The following TWSG1 variants were observed in gnomAD, a reference collection of about 807,000 sequenced individuals.
TWSG1 encodes twisted gastrulation BMP signaling modulator 1, also known as twisted gastrulation protein homolog 1.
In TWSG1, 15 loss-of-function variants were observed where a neutral mutation model predicts 23.0. The ratio of observed to expected loss-of-function variants is 0.65; its 90% CI spans 0.44 to 1.00. TWSG1 has a LOEUF of 1.00. TWSG1 is among the 50% of genes least tolerant of loss of function. The probability of loss-of-function intolerance (pLI) is 0.00; values close to 1 mark genes in which losing one functional copy is unlikely to be tolerated. For missense variants in TWSG1, 242 were observed against 278.7 expected (o/e 0.87, Z 0.94); for synonymous variants, 86 against 92.8 (o/e 0.93, Z 0.42).
intron 3 of TWSG1, among the ~76,000 whole-genome samples, chr18:9,385,904 C>T (rs1038900672): frequency 1.3e-5 from 2 of 152,118 alleles, no homozygotes; most frequent in African/African-American, 4.8e-5. Flanking sequence ...CATGGTGGCT[C>T]ACACCTGTAA....
At chr18:9,366,973 A>G (rs1156641565) in intron 3 of TWSG1, among the ~76,000 whole-genome samples, 1 of 152,028 alleles carries the variant, frequency 6.6e-6, no homozygotes, top group Non-Finnish European at 1.5e-5. Context: ...TTTTCTTGAG[A>G]TAGGGTCTCT....
chr18:9,343,280 C>CA (rs1157178277), intron 2 of TWSG1, among the ~76,000 whole-genome samples: 1 of 124,490 alleles, frequency 8.0e-6, no homozygotes, highest in East Asian at 2.3e-4. Context: ...AACATACATA[C>CA]ATATATAATA....
intron 3 of TWSG1, among the ~76,000 whole-genome samples, chr18:9,364,517 G>C (rs1024963646): frequency 6.6e-6 from 1 of 152,208 alleles, no homozygotes; most frequent in Non-Finnish European, 1.5e-5. Context: ...AAACAGCCAG[G>C]TGTGGTGGCT....
intron 4 of TWSG1, chr18:9,396,990 GGAGGTT>G: frequency 3.7e-5 from 6 of 162,846 alleles, no homozygotes; most frequent in South Asian, 2.0e-4. Flanking sequence ...CCTGAGAGTC[GGAGGTT>G]GCTGTGAACC....
chr18:9,342,711 T>A (rs1282002391), intron 2 of TWSG1, among the ~76,000 whole-genome samples: 1 of 152,224 alleles, frequency 6.6e-6, no homozygotes, highest in Non-Finnish European at 1.5e-5. Context: ...TTATGGTGAC[T>A]TTCCATCATT....
rs991852560 is a variant in TWSG1, at chr18:9,353,110, G to A, written c.124-6862G>A. ...CAGTAACATGCTGTACAGGTTTGTA[G>A]CCTAGGAACAATAGGCCATACCATA... On this transcript the variant is annotated intron_variant, in intron 2 of 4. Transcript: ENST00000262120. 1.6e-4 allele frequency among the ~76,000 whole-genome samples: 25 copies of A among 152,296 alleles called. 1 individual carries two copies. The highest frequency in any genetic ancestry group is 3.4e-3 in the Middle Eastern group (1 of 294).
At chr18:9,367,236 A>G (rs2040584028) in intron 3 of TWSG1, among the ~76,000 whole-genome samples, 1 of 152,106 alleles carries the variant, frequency 6.6e-6, no homozygotes, top group Non-Finnish European at 1.5e-5. Context: ...CCAGCCAGCA[A>G]TTTTCAAGAA....
chr18:9,382,349 C>T (rs2040660923), intron 3 of TWSG1, among the ~76,000 whole-genome samples: 1 of 151,980 alleles, frequency 6.6e-6, no homozygotes, highest in South Asian at 2.1e-4. Context: ...ATGGTGAAAC[C>T]CTGTCTCTAT....
intron 2 of TWSG1, among the ~76,000 whole-genome samples, chr18:9,343,213 TATATATA>T (rs1568030708): frequency 0.017 from 30 of 1,802 alleles, no homozygotes; most frequent in African/African-American, 0.023. Flanking sequence ...TTTTTTGTTA[TATATATA>T]TATATATATA....
intron 3 of TWSG1, among the ~76,000 whole-genome samples, chr18:9,379,820 G>A (rs1212726398): frequency 5.3e-5 from 8 of 152,092 alleles, no homozygotes; most frequent in South Asian, 4.1e-4. Flanking sequence ...TTAGAAGTGC[G>A]TTGAATCTAT....
chr18:9,377,470 T>C (rs11664460), intron 3 of TWSG1, among the ~76,000 whole-genome samples: 13,794 of 151,840 alleles, frequency 0.091, 710 homozygotes, highest in African/African-American at 0.1. Flanking sequence ...CTGCCCGCCT[T>C]GGCCTCCCAA....
intron 2 of TWSG1, among the ~76,000 whole-genome samples, chr18:9,356,816 A>G (rs977248514): frequency 5.9e-5 from 9 of 152,084 alleles, no homozygotes; most frequent in Non-Finnish European, 1.3e-4. Flanking sequence ...AAACTCAAAA[A>G]TCCAAAACAC....
chr18:9,373,664 T>A (rs1271231936), intron 3 of TWSG1, among the ~76,000 whole-genome samples: 2 of 152,180 alleles, frequency 1.3e-5, no homozygotes, highest in African/African-American at 4.8e-5. Context: ...TAGGGACATG[T>A]TTGAACTCAA....
intron 3 of TWSG1, among the ~76,000 whole-genome samples, chr18:9,366,453 T>C (rs567331037): frequency 6.6e-6 from 1 of 152,350 alleles, no homozygotes; most frequent in South Asian, 2.1e-4. Context: ...CTCTACCACC[T>C]AGTGGATCAA....
At chr18:9,396,997 G>A (rs9748497) in intron 4 of TWSG1, 18,975 of 163,596 alleles carry the variant, frequency 0.12, 1,306 homozygotes, top group Middle Eastern at 0.24. Context: ...GTCGGAGGTT[G>A]CTGTGAACCG....
Position 9,396,420 on chromosome 18 carries a change from C to A in TWSG1, c.364C>A (p.Pro122Thr), listed in dbSNP as rs1439157963. ...GTTGAATTGGAACATCGTTTCTTTC[C>A]CTGTTGCAGAAGAACTTTCACATCA... ...TQLNWNIVSF[P>T]VAEELSHHEN... Residue 122 changes from proline to threonine, a missense_variant, in exon 4 of 5, where the codon CCT becomes ACT. Physicochemically the swap from Pro to Thr is conservative, Grantham distance 38 (BLOSUM62 -1). Transcript: ENST00000262120. 1 of 1,614,126 alleles carries A rather than the reference C, an allele frequency of 6.2e-7. No homozygotes were observed. Among genetic ancestry groups the A allele is most frequent in the Admixed American group, 1.7e-5 (1 of 60,008 alleles).
chr18:9,394,034 A>G (rs1174369017), intron 3 of TWSG1, among the ~76,000 whole-genome samples: 2 of 152,246 alleles, frequency 1.3e-5, no homozygotes, highest in Non-Finnish European at 2.9e-5. Context: ...TACCATATCC[A>G]GCAATCCCAT....
chr18:9,366,886 A>AAC (rs1308234751), intron 3 of TWSG1, among the ~76,000 whole-genome samples: 8 of 152,194 alleles, frequency 5.3e-5, no homozygotes, highest in African/African-American at 1.9e-4. Context: ...AGAGCTAATT[A>AAC]ACATACATTA....
chr18:9,343,254 A>ATCTATC (rs1356796920), intron 2 of TWSG1, among the ~76,000 whole-genome samples: 1 of 52,904 alleles, frequency 1.9e-5, no homozygotes, highest in African/African-American at 6.5e-5. Context: ...ATATATATAT[A>ATCTATC]TATATATCTT....
Sources: allele counts gnomAD v4.1 joint callset (sites outside exome capture counted in the v4.1 genomes callset), GRCh38; gene constraint gnomAD v4.1.1; transcripts MANE v1.5; gene names NCBI Gene and HGNC (gene_info 2026-07-23, HGNC 2026-07-21).